VRK2: variants seen among roughly 807,000 people sequenced by gnomAD.
VRK2 encodes VRK serine/threonine kinase 2, also known as serine/threonine-protein kinase VRK2.
Under a neutral mutation model 57.6 loss-of-function variants are expected in VRK2, and 60 were observed. The observed-to-expected ratio is 1.04, with a 90% CI of 0.85 to 1.29. VRK2 has a LOEUF of 1.29. Among genes scored for constraint, VRK2 ranks in the 50% most tolerant of loss-of-function variants. The pLI, the probability that VRK2 is intolerant of heterozygous loss-of-function variation, is 0.00. For missense variants in VRK2, 705 were observed against 588.1 expected (o/e 1.20, Z -2.06); for synonymous variants, 231 against 199.2 (o/e 1.16, Z -1.35).
At chr2:58,120,344 C>A (rs1677286829) in intron 7 of VRK2, among the ~76,000 whole-genome samples, 1 of 151,618 alleles carries the variant, frequency 6.6e-6, no homozygotes, top group Non-Finnish European at 1.5e-5. Flanking sequence ...ATGTGCACCA[C>A]CATGCCTGGC....
intron 1 of VRK2, among the ~76,000 whole-genome samples, chr2:57,976,328 T>C (rs1672250753): frequency 6.6e-6 from 1 of 152,134 alleles, no homozygotes; most frequent in South Asian, 2.1e-4. Flanking sequence ...CTTTGAGAAA[T>C]CTCAAAACTA....
intron 12 of VRK2, among the ~76,000 whole-genome samples, chr2:58,151,731 G>GTTTTTTTTTTTGTTTTT (rs1683072332): frequency 6.0e-5 from 1 of 16,722 alleles, no homozygotes; most frequent in Non-Finnish European, 1.5e-4. Context: ...TTCTATGCTT[G>GTTTTTTTTTTTGTTTTT]TTTTTTTTTT....
intron 12 of VRK2, among the ~76,000 whole-genome samples, chr2:58,153,516 G>A (rs61126591): frequency 0.025 from 3,804 of 152,084 alleles, 161 homozygotes; most frequent in African/African-American, 0.087. Context: ...GGATGACACT[G>A]GTTTGTGGTT....
chr2:57,913,228 T>C (rs908066277), intron 1 of VRK2, among the ~76,000 whole-genome samples: 2 of 152,190 alleles, frequency 1.3e-5, no homozygotes, highest in Non-Finnish European at 2.9e-5. Context: ...CCTACCAATT[T>C]ATTTCTAGTT....
At chr2:57,920,035 G>C (rs114322579) in intron 1 of VRK2, among the ~76,000 whole-genome samples, 1 of 151,986 alleles carries the variant, frequency 6.6e-6, no homozygotes. Flanking sequence ...CTCAGTTGCC[G>C]CTTTGATTGA....
chr2:58,081,410 G>C (rs183718739), intron 2 of VRK2, among the ~76,000 whole-genome samples: 1 of 151,762 alleles, frequency 6.6e-6, no homozygotes, highest in African/African-American at 2.4e-5. Context: ...ATTTATTCTG[G>C]TATTTTAAAT....
intron 7 of VRK2, among the ~76,000 whole-genome samples, chr2:58,093,694 T>C (rs904539329): frequency 7.7e-4 from 118 of 152,306 alleles, no homozygotes; most frequent in African/African-American, 2.7e-3. Flanking sequence ...CAATTTTGGC[T>C]TTTGTTGCCA....
chr2:58,022,276 GTAA>G (rs889035691), intron 1 of VRK2, among the ~76,000 whole-genome samples: 1 of 152,196 alleles, frequency 6.6e-6, no homozygotes, highest in Non-Finnish European at 1.5e-5. Flanking sequence ...ACTAAAGAAA[GTAA>G]TTACTTGAAA....
chr2:57,931,161 A>G (rs1221380164), intron 1 of VRK2, among the ~76,000 whole-genome samples: 4 of 152,116 alleles, frequency 2.6e-5, no homozygotes, highest in Non-Finnish European at 5.9e-5. Flanking sequence ...ATACCCAGTA[A>G]TAAGACGGCT....
chr2:58,112,584 A>AG (rs113315408), intron 7 of VRK2, among the ~76,000 whole-genome samples: 15,905 of 151,828 alleles, frequency 0.1, 915 homozygotes, highest in East Asian at 0.19. Flanking sequence ...AGGAAAAAAA[A>AG]AAAAGGCCTA....
chr2:57,954,824 T>C (rs964189077), intron 1 of VRK2, among the ~76,000 whole-genome samples: 3 of 152,084 alleles, frequency 2.0e-5, no homozygotes, highest in African/African-American at 7.2e-5. Context: ...AGGTAAGACA[T>C]TGCCTACTGA....
At chr2:57,927,448 T>C (rs1251181037) in intron 1 of VRK2, among the ~76,000 whole-genome samples, 1 of 152,148 alleles carries the variant, frequency 6.6e-6, no homozygotes, top group East Asian at 1.9e-4. Context: ...GGTTAATTTT[T>C]GTATTTTTAG....
chr2:58,066,930 A>T (rs1214641392), intron 2 of VRK2, among the ~76,000 whole-genome samples: 1 of 152,200 alleles, frequency 6.6e-6, no homozygotes, highest in Non-Finnish European at 1.5e-5. Context: ...GCCAAAGCAG[A>T]TTAACATTTG....
intron 1 of VRK2, among the ~76,000 whole-genome samples, chr2:57,949,494 C>T (rs1005923974): frequency 6.6e-6 from 1 of 152,076 alleles, no homozygotes; most frequent in African/African-American, 2.4e-5. Context: ...TTTTGGGACA[C>T]CATGGACCGC....
intron 1 of VRK2, among the ~76,000 whole-genome samples, chr2:57,997,629 A>C (rs1672964846): frequency 1.3e-5 from 2 of 152,242 alleles, no homozygotes; most frequent in Non-Finnish European, 2.9e-5. Context: ...CAGGCCAGGC[A>C]TAGTGGCTCA....
At chr2:58,109,649 C>T (rs1675265122) in intron 7 of VRK2, among the ~76,000 whole-genome samples, 1 of 152,190 alleles carries the variant, frequency 6.6e-6, no homozygotes, top group African/African-American at 2.4e-5. Context: ...AATTCACTCA[C>T]TATCACAAGA....
chr2:58,137,165 TC>T lies in VRK2; in HGVS notation c.856+1967del, dbSNP rs1490902661. ...CATATATATCATGTGTTTATATATATCATATATCATATATATCATATATGAT... is the reference window on the plus strand; with the variant it reads ...CATATATATCATGTGTTTATATATATATATATCATATATATCATATATGAT... On this transcript the variant is annotated intron_variant, in intron 10 of 12. Coordinates refer to ENST00000340157, the MANE Select transcript of VRK2 (RefSeq NM_006296.7). 4.9e-3 allele frequency among the ~76,000 whole-genome samples: 24 copies of T among 4,914 alleles called. 1 individual carries two copies. Among genetic ancestry groups the T allele is most frequent in the African/African-American group, 7.7e-3 (24 of 3,134 alleles). 3.2% of individuals were successfully genotyped at this position (4,914 alleles called of 152,430 possible). A position where few individuals can be genotyped will look rare whatever the true frequency, so the allele number is the denominator to read the frequency against.
chr2:58,146,681 T>A (rs1195016803), intron 12 of VRK2, among the ~76,000 whole-genome samples: 1 of 151,966 alleles, frequency 6.6e-6, no homozygotes, highest in Non-Finnish European at 1.5e-5. Flanking sequence ...TAAGCACATT[T>A]GCGTACAGAT....
At chr2:58,143,802 A>G (rs577653268) in intron 11 of VRK2, among the ~76,000 whole-genome samples, 1 of 152,004 alleles carries the variant, frequency 6.6e-6, no homozygotes, top group Non-Finnish European at 1.5e-5. Flanking sequence ...CACTATTCAC[A>G]ATAATCAAGA....
Sources: allele counts gnomAD v4.1 joint callset (sites outside exome capture counted in the v4.1 genomes callset), GRCh38; gene constraint gnomAD v4.1.1; transcripts MANE v1.5; gene names NCBI Gene and HGNC (gene_info 2026-07-23, HGNC 2026-07-21).